UNC79: variants seen among roughly 807,000 people sequenced by gnomAD.
UNC79 encodes unc-79 subunit of NALCN channel complex.
UNC79 carries 37 observed loss-of-function variants against 283.1 expected under a neutral mutation model. That is an observed-to-expected ratio of 0.13 (90% CI 0.10 to 0.17). UNC79 has a LOEUF of 0.17. Ranked by LOEUF, UNC79 falls within the 10% of genes least tolerant of loss-of-function variation. UNC79 has a pLI of 1.00. For synonymous variants in UNC79, 1,107 were observed against 1,200.2 expected (o/e 0.92, Z 1.61); for missense variants, 2,272 against 3,211.1 (o/e 0.71, Z 7.07).
intron 14 of UNC79, among the ~76,000 whole-genome samples, chr14:93,543,935 A>G (rs1228158564): frequency 6.6e-6 from 1 of 152,180 alleles, no homozygotes; most frequent in Non-Finnish European, 1.5e-5. Flanking sequence ...TGATCTGTGC[A>G]TTTATGGAGA....
Position 93,575,267 on chromosome 14 carries a change from G to A in UNC79, c.2211+69G>A, listed in dbSNP as rs151277561. ...TGAAAACCCTTGTCAGTTATCCTAC[G>A]CCTGAAAGTACTGTCATAAGAAACC... On this transcript the variant is annotated intron_variant, in intron 17 of 48. Transcript: ENST00000555664. The A allele has an allele frequency of 1.1e-3, 1,767 of 1,598,006 alleles. 4 individuals carry two copies. The African/African-American group carries it at 0.015, about 14-fold the overall frequency.
intron 22 of UNC79, among the ~76,000 whole-genome samples, chr14:93,588,050 A>T (rs577032909): frequency 6.6e-6 from 1 of 152,344 alleles, no homozygotes; most frequent in East Asian, 1.9e-4. Flanking sequence ...TAAGCAGGGC[A>T]TACTTGGGGG....
intron 1 of UNC79, among the ~76,000 whole-genome samples, chr14:93,400,843 GGAAA>G (rs1352308264): frequency 3.3e-5 from 5 of 152,092 alleles, no homozygotes; most frequent in Admixed American, 2.6e-4. Flanking sequence ...CAAAAAATAT[GGAAA>G]GAAAGAAATG....
At chr14:93,660,003 A>G (rs1386872202) in intron 39 of UNC79, among the ~76,000 whole-genome samples, 2 of 152,144 alleles carry the variant, frequency 1.3e-5, no homozygotes, top group Admixed American at 6.5e-5. Context: ...TAGCACTTAC[A>G]TTGCCCTGAA....
At chr14:93,442,293 G>GAA in intron 1 of UNC79, among the ~76,000 whole-genome samples, 1 of 151,704 alleles carries the variant, frequency 6.6e-6, no homozygotes, top group Non-Finnish European at 1.5e-5. Context: ...CCATTGTTTG[G>GAA]CATTTTCTCT....
At chr14:93,425,301 G>A (rs913350408) in intron 1 of UNC79, among the ~76,000 whole-genome samples, 1 of 152,138 alleles carries the variant, frequency 6.6e-6, no homozygotes, top group Non-Finnish European at 1.5e-5. Flanking sequence ...CAGCAGCATG[G>A]GAGTAACCGC....
intron 1 of UNC79, among the ~76,000 whole-genome samples, chr14:93,415,726 A>G (rs1246097090): frequency 1.3e-5 from 2 of 151,528 alleles, no homozygotes; most frequent in Non-Finnish European, 2.9e-5. Flanking sequence ...CAGAGATTCA[A>G]CTTCTTCCTG....
intron 10 of UNC79, among the ~76,000 whole-genome samples, chr14:93,530,840 C>T (rs1356865232): frequency 7.3e-5 from 11 of 151,572 alleles, no homozygotes; most frequent in South Asian, 2.1e-4. Flanking sequence ...ACCTTTGAGG[C>T]GGAGCTGGCA....
intron 1 of UNC79, among the ~76,000 whole-genome samples, chr14:93,354,160 T>C (rs1473687669): frequency 6.6e-6 from 1 of 152,194 alleles, no homozygotes; most frequent in East Asian, 1.9e-4. Flanking sequence ...TTTTGTAGAA[T>C]TGAAGAAAGC....
chr14:93,578,136 ATG>A, intron 18 of UNC79, 73 bp downstream of exon 18: 1 of 1,384,622 alleles, frequency 7.2e-7, no homozygotes, highest in South Asian at 1.3e-5. Context: ...AATTCTTTCC[ATG>A]TGTTGGGCAT....
At chr14:93,493,881 A>G (rs1056123107) in intron 5 of UNC79, among the ~76,000 whole-genome samples, 36 of 63,454 alleles carry the variant, frequency 5.7e-4, no homozygotes, top group Non-Finnish European at 8.9e-4. Flanking sequence ...CCACATATAT[A>G]TATATATATA....
chr14:93,390,654 C>T (rs993049511), intron 1 of UNC79, among the ~76,000 whole-genome samples: 2 of 152,118 alleles, frequency 1.3e-5, no homozygotes, highest in Admixed American at 1.3e-4. Context: ...AGATGTAGTT[C>T]TGTATGTCAG....
intron 1 of UNC79, among the ~76,000 whole-genome samples, chr14:93,460,649 C>T (rs1595519097): frequency 6.6e-6 from 1 of 152,066 alleles, no homozygotes; most frequent in South Asian, 2.1e-4. Context: ...TTAATTCTTA[C>T]CGAGAGCTTT....
intron 7 of UNC79, among the ~76,000 whole-genome samples, chr14:93,499,383 A>G (rs2059176173): frequency 6.6e-6 from 1 of 152,240 alleles, no homozygotes; most frequent in African/African-American, 2.4e-5. Flanking sequence ...TACGTGAAGT[A>G]TAAATGGATA....
chr14:93,467,673 G>A, exon 2 of UNC79: 1 of 152,392 alleles, frequency 6.6e-6, no homozygotes, highest in Non-Finnish European at 9.5e-6. Context: ...TTATCTAGTT[G>A]CTTCCAAGAT....
rs1400820595 is a variant in UNC79 at position 93,474,244 on chromosome 14, A to G, written c.299A>G (p.Tyr100Cys). 1.8e-5 allele frequency: 28 copies of G among 1,535,814 alleles called. No individual in the cohort carries two copies. The highest frequency in any genetic ancestry group is 1.7e-4 in the Middle Eastern group (1 of 6,012). ...CCTACTGTTACTCGCTCCCTCCTTTACAGCGTCCTGCGAGATGCTCCCTCA... is the reference window on the plus strand; with the variant it reads ...CCTACTGTTACTCGCTCCCTCCTTTGCAGCGTCCTGCGAGATGCTCCCTCA... Residue 100 changes from tyrosine (Y) to cysteine (C), a missense_variant, in exon 3 of 49, where the codon TAC (tyrosine) becomes TGC (cysteine). Around this residue, in one of 11 missense-constraint regions of UNC79, gnomAD observed 194 missense variants for 268.9 expected, o/e 0.72. Transcript: ENST00000555664. This position sits in a 1 kb window ranked among gnomAD's most constrained non-coding sequence, Gnocchi z 4.1.
chr14:93,491,858 T>C (rs1180147144), intron 5 of UNC79, among the ~76,000 whole-genome samples: 1 of 152,200 alleles, frequency 6.6e-6, no homozygotes, highest in Non-Finnish European at 1.5e-5. Flanking sequence ...TATAACCAGC[T>C]ACTGTATACT....
chr14:93,697,101 G>C (rs999591961), intron 47 of UNC79, among the ~76,000 whole-genome samples: 1 of 151,914 alleles, frequency 6.6e-6, no homozygotes, highest in Non-Finnish European at 1.5e-5. Flanking sequence ...CTGACTTCTT[G>C]ATTCTGTCCC....
intron 38 of UNC79, among the ~76,000 whole-genome samples, chr14:93,658,445 GT>G (rs1031148093): frequency 6.6e-6 from 1 of 152,182 alleles, no homozygotes; most frequent in Admixed American, 6.5e-5. Flanking sequence ...TCTTGAGGAA[GT>G]TAATGTAGGT....
Sources: allele counts gnomAD v4.1 joint callset (sites outside exome capture counted in the v4.1 genomes callset), GRCh38; gene constraint gnomAD v4.1.1; regional missense constraint gnomAD v4.1.1; non-coding constraint Gnocchi (gnomAD v3.1); transcripts MANE v1.5; gene names NCBI Gene and HGNC (gene_info 2026-07-23, HGNC 2026-07-21).